The following NRG1 variants were observed in gnomAD, a reference collection of about 807,000 sequenced individuals.
NRG1 encodes neuregulin 1.
NRG1 carries 18 observed loss-of-function variants against 63.8 expected under a neutral mutation model. The observed-to-expected ratio is 0.28, with a 90% CI of 0.19 to 0.42. The LOEUF is 0.42. Among genes scored for constraint, NRG1 ranks in the 10% least tolerant of loss-of-function variants. The pLI is 1.00. For missense variants in NRG1, 762 were observed against 814.7 expected, an observed-to-expected ratio of 0.94 and a Z score of 0.79; for synonymous variants, 302 against 301.3, an observed-to-expected ratio of 1.00 and a Z score of -0.02.
chr8:32,261,678 C>A (rs190144669), intron 1 of NRG1, among the ~76,000 whole-genome samples: 2 of 152,048 alleles, frequency 1.3e-5, no homozygotes, highest in African/African-American at 4.8e-5. Flanking sequence ...CACCTCCACT[C>A]CCCCCTTGTA....
chr8:31,847,716 A>G (rs1826823224), intron 1 of NRG1, among the ~76,000 whole-genome samples: 1 of 152,214 alleles, frequency 6.6e-6, no homozygotes, highest in Non-Finnish European at 1.5e-5. Context: ...ATCCATTAAC[A>G]TGTGGCACCA....
intron 1 of NRG1, among the ~76,000 whole-genome samples, chr8:32,483,546 A>G (rs1165081806): frequency 6.6e-6 from 1 of 152,206 alleles, no homozygotes; most frequent in Non-Finnish European, 1.5e-5. Context: ...ACAGTTGCTT[A>G]CATGTGATAA....
intron 1 of NRG1, among the ~76,000 whole-genome samples, chr8:32,046,657 C>T (rs1307930450): frequency 6.6e-6 from 1 of 151,928 alleles, no homozygotes; most frequent in Non-Finnish European, 1.5e-5. Context: ...ATTTCAAAGG[C>T]ATTATACAGA....
chr8:32,067,565 T>C (rs1208045155), intron 1 of NRG1, among the ~76,000 whole-genome samples: 1 of 152,110 alleles, frequency 6.6e-6, no homozygotes, highest in Non-Finnish European at 1.5e-5. Context: ...GATAAGCTTT[T>C]TGATGTGCTA....
intron 1 of NRG1, among the ~76,000 whole-genome samples, chr8:31,934,340 CAT>C (rs1835109556): frequency 6.8e-6 from 1 of 146,710 alleles, no homozygotes; most frequent in African/African-American, 2.5e-5. Flanking sequence ...TGTATATATA[CAT>C]ATATATGTGT....
intron 1 of NRG1, chr8:31,639,463 C>A: frequency 6.5e-7 from 1 of 1,532,190 alleles, no homozygotes; most frequent in South Asian, 1.2e-5. Flanking sequence ...AGGACGCTGT[C>A]GCCGCCGCGG....
In NRG1 at chr8:31,640,545, C is replaced by T. The variant is rs1179781269; in HGVS notation, c.37+1114C>T. 3 of 1,611,724 alleles carry T rather than the reference C, an allele frequency of 1.9e-6. No individual in the cohort carries two copies. In the African/African-American group the frequency reaches 4.0e-5, roughly 22 times the overall value. ...CGCTGCTCACCGTGCGCCTGGGGAC[C>T]TGGGGCCACCCCGCCTTCCCCTCCT... On this transcript the variant is annotated intron_variant, in intron 1 of 10. Coordinates refer to the NRG1 transcript ENST00000519301. The surrounding 1 kb of genome is among the most constrained non-coding windows in gnomAD (Gnocchi z 6.3).
chr8:32,593,637 G>A (rs1026092642), intron 1 of NRG1, among the ~76,000 whole-genome samples: 1 of 151,696 alleles, frequency 6.6e-6, no homozygotes, highest in Non-Finnish European at 1.5e-5. Context: ...CTGTGCAACC[G>A]AGCAAGATCC....
intron 3 of NRG1, among the ~76,000 whole-genome samples, chr8:32,611,956 A>C (rs1258923444): frequency 6.6e-6 from 1 of 152,062 alleles, no homozygotes; most frequent in Middle Eastern, 3.2e-3. Context: ...TATCTTTGAG[A>C]CCATGCAACT....
chr8:32,221,727 GT>G (rs1471255423), intron 1 of NRG1, among the ~76,000 whole-genome samples: 3 of 152,128 alleles, frequency 2.0e-5, no homozygotes, highest in Non-Finnish European at 2.9e-5. Flanking sequence ...CATTGTATTT[GT>G]TGTTGTTGCA....
chr8:32,047,793 T>A lies in NRG1; in HGVS notation c.37+408362T>A, dbSNP rs554966195. On this transcript the variant is annotated intron_variant, in intron 1 of 10. Transcript: ENST00000519301. Reference sequence around the variant, plus strand: ...TGTGGTGAGAACACTTTACATTTACTCTTTTTTTTTTAAGAATACAATGTA... The same window carrying A: ...TGTGGTGAGAACACTTTACATTTACACTTTTTTTTTTAAGAATACAATGTA... 4.0e-5 allele frequency among the ~76,000 whole-genome samples: 6 copies of A among 150,482 alleles called. No individual in the cohort carries two copies. The South Asian group carries it at 1.2e-3, about 31-fold the overall frequency.
chr8:31,783,512 C>G (rs2131623907), intron 1 of NRG1, among the ~76,000 whole-genome samples: 1 of 151,226 alleles, frequency 6.6e-6, no homozygotes, highest in East Asian at 2.0e-4. Flanking sequence ...CTGAGGCCCT[C>G]TATAAATGCC....
chr8:31,866,004 A>C (rs1828924486), intron 1 of NRG1, among the ~76,000 whole-genome samples: 1 of 152,164 alleles, frequency 6.6e-6, no homozygotes, highest in Non-Finnish European at 1.5e-5. Context: ...TAGGAGGGAC[A>C]GATGTGGCCT....
At chr8:31,668,390 C>A (rs1297982088) in intron 1 of NRG1, among the ~76,000 whole-genome samples, 2 of 152,076 alleles carry the variant, frequency 1.3e-5, no homozygotes, top group Non-Finnish European at 2.9e-5. Context: ...GCCTTTATAT[C>A]CCCCCAGATG....
At chr8:31,746,532 C>T (rs527821705) in intron 1 of NRG1, among the ~76,000 whole-genome samples, 5 of 151,908 alleles carry the variant, frequency 3.3e-5, no homozygotes, top group Non-Finnish European at 7.4e-5. Context: ...TAGCATATTA[C>T]AAATACTTTA....
intron 1 of NRG1, among the ~76,000 whole-genome samples, chr8:31,756,803 G>C (rs910563051): frequency 6.6e-6 from 1 of 152,110 alleles, no homozygotes; most frequent in Non-Finnish European, 1.5e-5. Context: ...GAAGGGTCAC[G>C]CTTAATAGAT....
At chr8:31,850,190 G>A (rs1265623531) in intron 1 of NRG1, among the ~76,000 whole-genome samples, 2 of 152,074 alleles carry the variant, frequency 1.3e-5, no homozygotes, top group African/African-American at 2.4e-5. Flanking sequence ...AAGCTGGGGG[G>A]CAGTCAGATT....
At chr8:31,675,190 A>G (rs1017584508) in intron 1 of NRG1, among the ~76,000 whole-genome samples, 2 of 152,180 alleles carry the variant, frequency 1.3e-5, no homozygotes, top group Non-Finnish European at 2.9e-5. Flanking sequence ...TAAAAATACA[A>G]AATTAGCTGG....
intron 1 of NRG1, among the ~76,000 whole-genome samples, chr8:31,945,090 CT>C (rs34924907): frequency 0.01 from 1,529 of 152,252 alleles, 4 homozygotes; most frequent in Non-Finnish European, 0.015. Context: ...CCCTGAGGCC[CT>C]TTTTGCCTTC....
Sources: allele counts gnomAD v4.1 joint callset (sites outside exome capture counted in the v4.1 genomes callset), GRCh38; gene constraint gnomAD v4.1.1; non-coding constraint Gnocchi (gnomAD v3.1); transcripts MANE v1.5; gene names NCBI Gene and HGNC (gene_info 2026-07-23, HGNC 2026-07-21).